Variants in DOCK1 observed in about 807,000 individuals in gnomAD.
DOCK1 encodes dedicator of cytokinesis 1, also known as dedicator of cytokinesis protein 1.
In DOCK1, 138 loss-of-function variants were observed where a neutral mutation model predicts 262.7. That is an observed-to-expected ratio of 0.53 (90% confidence interval 0.46 to 0.61). The LOEUF (loss-of-function observed/expected upper bound fraction) is 0.61. Among genes scored for constraint, DOCK1 ranks in the 20% least tolerant of loss-of-function variants. DOCK1 has a pLI of 0.00. For missense variants in DOCK1, 1,908 were observed against 2,370.7 expected (o/e 0.80, Z 4.05); for synonymous variants, 866 against 867.4 (o/e 1.00, Z 0.03).
chr10:127,222,823 G>A (rs1184536), intron 27 of DOCK1, among the ~76,000 whole-genome samples: 17,876 of 103,286 alleles, frequency 0.17, 1,273 homozygotes, highest in Middle Eastern at 0.32. Flanking sequence ...TTGCCACTAC[G>A]CCTGGCTAAT....
intron 29 of DOCK1, among the ~76,000 whole-genome samples, chr10:127,263,438 C>T (rs1170233551): frequency 1.9e-5 from 1 of 53,294 alleles, no homozygotes; most frequent in African/African-American, 1.0e-4. Context: ...ACGGTGTTCA[C>T]TTGGTTATGT....
intron 28 of DOCK1, among the ~76,000 whole-genome samples, chr10:127,257,020 C>G (rs2059849617): frequency 6.6e-6 from 1 of 152,198 alleles, no homozygotes; most frequent in African/African-American, 2.4e-5. Flanking sequence ...TTGTTAAAAT[C>G]ATGTTTTCCT....
intron 43 of DOCK1, among the ~76,000 whole-genome samples, chr10:127,414,120 C>T (rs73388625): frequency 0.029 from 4,354 of 152,220 alleles, 225 homozygotes; most frequent in African/African-American, 0.099. Context: ...CCACGTTGCC[C>T]GGCCTGGTCT....
chr10:127,168,376 A>G (rs2054268464), intron 27 of DOCK1, among the ~76,000 whole-genome samples: 2 of 152,270 alleles, frequency 1.3e-5, no homozygotes, highest in Admixed American at 6.5e-5. Context: ...GCTAAGGCAC[A>G]GGAGAGCATT....
intron 12 of DOCK1, chr10:127,015,298 A>G (rs1287574644): frequency 3.3e-5 from 5 of 151,372 alleles, no homozygotes; most frequent in Non-Finnish European, 1.5e-5. Context: ...TTCGTCTCCC[A>G]TTCATCTTCA....
chr10:127,128,561 C>A (rs1297286083), intron 27 of DOCK1, among the ~76,000 whole-genome samples: 2 of 152,036 alleles, frequency 1.3e-5, no homozygotes, highest in African/African-American at 4.8e-5. Flanking sequence ...CCCCAGCAGG[C>A]CCCGGTGTGT....
intron 33 of DOCK1, among the ~76,000 whole-genome samples, chr10:127,373,201 G>A (rs1177979300): frequency 1.3e-5 from 2 of 152,198 alleles, no homozygotes; most frequent in Non-Finnish European, 2.9e-5. Flanking sequence ...CTTTGGGGAT[G>A]GAGGATAGGC....
Position 127,388,734 on chromosome 10 carries a change from CCCAAAATGACAGTGT to C in DOCK1, c.3927+3826_3927+3840del, listed in dbSNP as rs560163024. On this transcript the variant is annotated intron_variant, in intron 38 of 51. Coordinates refer to ENST00000623213, the MANE Select transcript of DOCK1 (RefSeq NM_001290223.2). Reference sequence around the variant, plus strand: ...GAGTCCCCCGCCCTGGGGCTTCTGCCCCAAAATGACAGTGTTCATGTCATTGGCTGAAGGAGATCA... The same window carrying C: ...GAGTCCCCCGCCCTGGGGCTTCTGCCTCATGTCATTGGCTGAAGGAGATCA... 3.1e-4 allele frequency among the ~76,000 whole-genome samples: 47 copies of C among 152,254 alleles called. No individual in the cohort carries two copies. The East Asian group carries it at 8.7e-3, about 28-fold the overall frequency.
intron 27 of DOCK1, among the ~76,000 whole-genome samples, chr10:127,241,916 G>A (rs1271868867): frequency 6.6e-6 from 1 of 152,094 alleles, no homozygotes; most frequent in African/African-American, 2.4e-5. Flanking sequence ...CTGGATATAG[G>A]GTCACATTTC....
At chr10:126,921,733 G>T in intron 1 of DOCK1, among the ~76,000 whole-genome samples, 1 of 152,104 alleles carries the variant, frequency 6.6e-6, no homozygotes, top group Middle Eastern at 3.4e-3. Flanking sequence ...ACTCACTGCA[G>T]CCTCCACCTC....
intron 1 of DOCK1, 46 bp from the exon 2 acceptor site, chr10:126,970,656 T>G: frequency 5.3e-6 from 8 of 1,496,266 alleles, no homozygotes; most frequent in Non-Finnish European, 7.4e-6. Flanking sequence ...GCATGGTCAC[T>G]TCTATCTTTA....
intron 1 of DOCK1, among the ~76,000 whole-genome samples, chr10:126,967,877 G>A (rs1326005430): frequency 5.3e-5 from 8 of 152,068 alleles, no homozygotes; most frequent in Non-Finnish European, 1.0e-4. Context: ...GCAGTGGTGC[G>A]ATCACGGCTC....
intron 1 of DOCK1, among the ~76,000 whole-genome samples, chr10:126,915,684 C>T (rs564930364): frequency 6.6e-6 from 1 of 152,310 alleles, no homozygotes; most frequent in African/African-American, 2.4e-5. Context: ...ATCTCCTGAC[C>T]TCGTGATCTG....
At chr10:127,016,812 A>AAC (rs113160538) in intron 12 of DOCK1, among the ~76,000 whole-genome samples, 4,137 of 149,288 alleles carry the variant, frequency 0.028, 127 homozygotes, top group African/African-American at 0.096. Flanking sequence ...AGACACCACA[A>AAC]ACACACACAC....
intron 32 of DOCK1, among the ~76,000 whole-genome samples, chr10:127,359,036 T>A (rs1232610110): frequency 1.3e-5 from 2 of 152,136 alleles, no homozygotes; most frequent in Non-Finnish European, 2.9e-5. Context: ...CTCTTTTTCT[T>A]TAAGTCTACA....
chr10:127,051,130 C>A (rs1392448193), intron 21 of DOCK1, among the ~76,000 whole-genome samples: 1 of 151,852 alleles, frequency 6.6e-6, no homozygotes. Flanking sequence ...TTTGTGTATT[C>A]CAAAGTGTGT....
intron 29 of DOCK1, among the ~76,000 whole-genome samples, chr10:127,294,597 C>T (rs1345505655): frequency 2.0e-5 from 3 of 152,078 alleles, no homozygotes; most frequent in South Asian, 2.1e-4. Flanking sequence ...GCTGAGACTA[C>T]AGGCGTGAGC....
At chr10:127,428,182 A>G (rs540066627) in intron 47 of DOCK1, among the ~76,000 whole-genome samples, 2 of 152,368 alleles carry the variant, frequency 1.3e-5, no homozygotes, top group Admixed American at 1.3e-4. Flanking sequence ...TCTAAGAAAC[A>G]AACACTTGTG....
chr10:127,387,456 G>A (rs2386835), intron 38 of DOCK1, among the ~76,000 whole-genome samples: 121,883 of 152,180 alleles, frequency 0.8, 48,904 homozygotes, highest in African/African-American at 0.85. Context: ...CGCGTGCATG[G>A]TGGACTCAAG....
Sources: allele counts gnomAD v4.1 joint callset (sites outside exome capture counted in the v4.1 genomes callset), GRCh38; gene constraint gnomAD v4.1.1; transcripts MANE v1.5; gene names NCBI Gene and HGNC (gene_info 2026-07-23, HGNC 2026-07-21).